The following NALF1 variants were observed in gnomAD, a reference collection of about 807,000 sequenced individuals.
NALF1 encodes NALCN channel auxiliary factor 1.
A neutral mutation model predicts 48.4 loss-of-function variants in NALF1; 3 were observed. The observed-to-expected ratio is 0.06, with a 90% CI of 0.03 to 0.16. The LOEUF (loss-of-function observed/expected upper bound fraction) is 0.16. Among genes scored for constraint, NALF1 ranks in the 10% least tolerant of loss-of-function variants. The pLI, the probability that NALF1 is intolerant of heterozygous loss-of-function variation, is 1.00. For synonymous variants in NALF1, 262 were observed against 245.7 expected (o/e 1.07, Z -0.62); for missense variants, 526 against 571.5 (o/e 0.92, Z 0.81).
rs1880762546 is a variant in NALF1 at position 107,867,139 on chromosome 13, C to T, written c.-543G>A. Reference sequence around the variant, plus strand: ...GAGCGCCTCCCCTCCTCCTCCTCCTCCTCCTCTTCTTCTCCTCCTCTTCCT... The same window carrying T: ...GAGCGCCTCCCCTCCTCCTCCTCCTTCTCCTCTTCTTCTCCTCCTCTTCCT... On this transcript the variant is annotated 5_prime_UTR_variant, in exon 1 of 3. Coordinates refer to ENST00000375915, the MANE Select transcript of NALF1 (RefSeq NM_001080396.3). This position sits in a 1 kb window ranked among gnomAD's most constrained non-coding sequence, Gnocchi z 4.4. 6.6e-6 allele frequency among the ~76,000 whole-genome samples: 1 copy of T among 151,770 alleles called. No homozygotes were observed. Among genetic ancestry groups the T allele is most frequent in the Non-Finnish European group, 1.5e-5 (1 of 67,880 alleles).
At chr13:107,211,308 C>A (rs1367836737) in intron 1 of NALF1, among the ~76,000 whole-genome samples, 1 of 152,186 alleles carries the variant, frequency 6.6e-6, no homozygotes, top group Non-Finnish European at 1.5e-5. Context: ...ATGACTCACA[C>A]CAAATGCATT....
At chr13:107,556,288 TATATATATAC>T (rs1237505256) in intron 1 of NALF1, among the ~76,000 whole-genome samples, 30 of 135,146 alleles carry the variant, frequency 2.2e-4, no homozygotes, top group East Asian at 1.6e-3. Context: ...TATATATATA[TATATATATAC>T]ACACACACAC....
intron 1 of NALF1, among the ~76,000 whole-genome samples, chr13:107,238,519 C>T (rs1308571110): frequency 6.6e-6 from 1 of 152,154 alleles, no homozygotes; most frequent in Non-Finnish European, 1.5e-5. Context: ...GTGACAAAGA[C>T]AGTACCCATT....
At chr13:107,455,090 G>C (rs1270207222) in intron 1 of NALF1, among the ~76,000 whole-genome samples, 2 of 152,102 alleles carry the variant, frequency 1.3e-5, no homozygotes, top group African/African-American at 4.8e-5. Flanking sequence ...TATGAGACCT[G>C]ATGGTTTGAA....
At chr13:107,180,626 C>T (rs575332411) in intron 2 of NALF1, among the ~76,000 whole-genome samples, 5 of 151,814 alleles carry the variant, frequency 3.3e-5, no homozygotes, top group South Asian at 2.1e-4. Context: ...TGTGAAGATG[C>T]ATATATATAC....
At chr13:107,191,250 G>A (rs1879272001) in intron 2 of NALF1, among the ~76,000 whole-genome samples, 1 of 144,782 alleles carries the variant, frequency 6.9e-6, no homozygotes, top group Non-Finnish European at 1.5e-5. Context: ...CTCTGATAAT[G>A]CTCACTAAAT....
At position 107,165,541 on chromosome 13, in the gene NALF1, A is replaced by G. The variant is rs1878640069; in HGVS notation, c.*4956T>C. On this transcript the variant is annotated 3_prime_UTR_variant, in exon 3 of 3. Transcript: ENST00000375915. Reference sequence around the variant, plus strand: ...AGCCCTGAAGTACAGTATCTCAAGAATAAAAACCATAGTTCATATTTTGTT... The same window carrying G: ...AGCCCTGAAGTACAGTATCTCAAGAGTAAAAACCATAGTTCATATTTTGTT... 6.6e-6 allele frequency: 1 copy of G among 152,242 alleles called. No homozygotes were observed. Among genetic ancestry groups the G allele is most frequent in the African/African-American group, 2.4e-5 (1 of 41,464 alleles). 9.4% of individuals were successfully genotyped at this position (152,242 alleles called of 1,614,324 possible).
intron 1 of NALF1, among the ~76,000 whole-genome samples, chr13:107,373,811 T>C (rs1023824875): frequency 6.6e-6 from 1 of 152,178 alleles, no homozygotes; most frequent in African/African-American, 2.4e-5. Context: ...TTTCAATGTA[T>C]AAAGGCCAAA....
At chr13:107,558,108 CCT>C (rs967520289) in intron 1 of NALF1, among the ~76,000 whole-genome samples, 25 of 151,472 alleles carry the variant, frequency 1.7e-4, no homozygotes, top group Non-Finnish European at 3.5e-4. Context: ...GAGATTTTTC[CCT>C]GAGAATCTTC....
At chr13:107,457,033 CCACAGTTAGAA>C (rs1884835436) in intron 1 of NALF1, among the ~76,000 whole-genome samples, 1 of 151,980 alleles carries the variant, frequency 6.6e-6, no homozygotes, top group Non-Finnish European at 1.5e-5. Context: ...GAATATAAGG[CCACAGTTAGAA>C]CACTGGTAAC....
intron 1 of NALF1, among the ~76,000 whole-genome samples, chr13:107,462,442 C>T (rs1292703136): frequency 6.6e-6 from 1 of 152,106 alleles, no homozygotes; most frequent in African/African-American, 2.4e-5. Flanking sequence ...TATACAACCA[C>T]CCAACAAAGA....
intron 1 of NALF1, among the ~76,000 whole-genome samples, chr13:107,777,466 G>T (rs1436800234): frequency 1.3e-5 from 2 of 152,170 alleles, no homozygotes; most frequent in African/African-American, 4.8e-5. Flanking sequence ...GATCACGGGG[G>T]CAGATCTCTC....
At chr13:107,542,939 T>A (rs662322) in intron 1 of NALF1, among the ~76,000 whole-genome samples, 63,490 of 151,834 alleles carry the variant, frequency 0.42, 13,686 homozygotes, top group East Asian at 0.55. Context: ...AATGTTCTTT[T>A]GTCCATTTGT....
At chr13:107,732,933 A>G (rs7330529) in intron 1 of NALF1, among the ~76,000 whole-genome samples, 119,923 of 152,092 alleles carry the variant, frequency 0.79, 48,418 homozygotes, top group Non-Finnish European at 0.89. Context: ...TTTTAAGTTA[A>G]TGATTTTAAG....
intron 1 of NALF1, among the ~76,000 whole-genome samples, chr13:107,839,585 G>C (rs1879991078): frequency 6.6e-6 from 1 of 151,452 alleles, no homozygotes; most frequent in Non-Finnish European, 1.5e-5. Context: ...TTAAAGGAGA[G>C]AAAGTTCAAG....
chr13:107,429,815 T>C (rs893658893), intron 1 of NALF1, among the ~76,000 whole-genome samples: 2 of 152,228 alleles, frequency 1.3e-5, no homozygotes, highest in Non-Finnish European at 2.9e-5. Context: ...ATTCAATCTA[T>C]AAATACATGT....
intron 1 of NALF1, among the ~76,000 whole-genome samples, chr13:107,555,334 G>T (rs985691999): frequency 1.3e-5 from 2 of 151,538 alleles, no homozygotes; most frequent in African/African-American, 4.9e-5. Flanking sequence ...CTGCAATGGT[G>T]GGGTCTCAGC....
chr13:107,823,524 A>G (rs1375611705), intron 1 of NALF1, among the ~76,000 whole-genome samples: 2 of 151,958 alleles, frequency 1.3e-5, no homozygotes, highest in Non-Finnish European at 2.9e-5. Flanking sequence ...CTCCAGGCTC[A>G]CCTCTGCCAA....
At chr13:107,649,783 G>A (rs1880401068) in intron 1 of NALF1, among the ~76,000 whole-genome samples, 1 of 152,102 alleles carries the variant, frequency 6.6e-6, no homozygotes, top group South Asian at 2.1e-4. Flanking sequence ...TTGTATATAA[G>A]AGACTTTCTG....
Sources: gnomAD v4.1 joint callset for allele counts (sites outside exome capture counted in the v4.1 genomes callset) on GRCh38, gnomAD v4.1.1 for gene constraint, Gnocchi (gnomAD v3.1) non-coding constraint, MANE v1.5 for transcripts, NCBI Gene and HGNC (gene_info 2026-07-23, HGNC 2026-07-21) for gene names.